Variants in MLC1 observed in about 807,000 individuals in gnomAD.
MLC1 encodes the protein membrane protein MLC1.
Under a neutral mutation model 44.7 loss-of-function variants are expected in MLC1, and 32 were observed. The ratio of observed to expected loss-of-function variants is 0.72; its 90% CI spans 0.54 to 0.96. MLC1 has a LOEUF of 0.96. MLC1 is among the 40% of genes least tolerant of loss of function. MLC1 has a pLI of 0.00. For missense variants in MLC1, 459 were observed against 492.2 expected (o/e 0.93, Z 0.64); for synonymous variants, 190 against 213.0 (o/e 0.89, Z 0.94).
intron 11 of MLC1, 45 bp from the exon 12 acceptor site, chr22:50,061,702 T>C: frequency 6.4e-7 from 1 of 1,565,158 alleles, no homozygotes; most frequent in Non-Finnish European, 8.8e-7. Flanking sequence ...GGGCCACCTG[T>C]GCGGCGGGAA....
intron 5 of MLC1, among the ~76,000 whole-genome samples, chr22:50,077,896 G>T (rs1227484765): frequency 2.0e-5 from 3 of 152,136 alleles, no homozygotes. Context: ...TGAAACGACT[G>T]CAGGCCCTGA....
At chr22:50,074,475 G>A in intron 7 of MLC1, 143 bp from the exon 8 acceptor site, 1 of 748,078 alleles carries the variant, frequency 1.3e-6, no homozygotes, top group Non-Finnish European at 2.3e-6. Context: ...CCACCTGGAT[G>A]GACCCCCAGC....
At chr22:50,074,966 G>A (rs2061943780) in intron 7 of MLC1, among the ~76,000 whole-genome samples, 2 of 152,258 alleles carry the variant, frequency 1.3e-5, no homozygotes, top group South Asian at 4.1e-4. Context: ...GCCGGTTGGA[G>A]AGCCCTGCTA....
intron 11 of MLC1, among the ~76,000 whole-genome samples, chr22:50,062,151 C>T (rs2061575513): frequency 6.7e-6 from 1 of 149,282 alleles, no homozygotes; most frequent in Non-Finnish European, 1.5e-5. Context: ...CCACCCTGAG[C>T]CCCTGGGCCC....
intron 1 of MLC1, 73 bp downstream of exon 1, chr22:50,085,282 T>G (rs976309689): frequency 1.1e-5 from 11 of 991,902 alleles, no homozygotes; most frequent in Non-Finnish European, 1.3e-5. Context: ...CACGTTAAAC[T>G]GCTCCAATTG....
intron 3 of MLC1, among the ~76,000 whole-genome samples, chr22:50,081,758 G>A (rs1033455450): frequency 2.6e-5 from 4 of 152,240 alleles, no homozygotes; most frequent in Non-Finnish European, 5.9e-5. Flanking sequence ...CAGGTGCCAC[G>A]AGGGCCCAGG....
intron 5 of MLC1, among the ~76,000 whole-genome samples, chr22:50,078,308 C>T (rs923805035): frequency 7.9e-5 from 12 of 151,868 alleles, no homozygotes; most frequent in African/African-American, 2.7e-4. Context: ...TTTTAAAATA[C>T]ATTTAAAAAA....
Position 50,068,725 on chromosome 22 carries a change from C to CTTT in MLC1, c.772-173_772-171dup, listed in dbSNP as rs765426637. Among the ~76,000 whole-genome samples, 168 of 105,226 alleles carry CTTT rather than the reference C, an allele frequency of 1.6e-3. 1 individual carries two copies. Among genetic ancestry groups the CTTT allele is most frequent in the African/African-American group, 2.6e-3 (71 of 27,438 alleles). The allele number at this position is 105,226 out of a possible 152,430, so 69.0% of individuals were successfully genotyped here. A position where few individuals can be genotyped will look rare whatever the true frequency, so the allele number is the denominator to read the frequency against. The stretch of plus-strand genomic sequence containing the variant: ...CCTCTGCCTTTTCTTTTTTCTTTTT[C>CTTT]TTTTTTTTTTTTTTTTTTTTTGAGA... On this transcript the variant is annotated intron_variant, in intron 9 of 11. Transcript: ENST00000311597.
intron 7 of MLC1, among the ~76,000 whole-genome samples, chr22:50,075,228 A>G (rs908866237): frequency 6.6e-6 from 1 of 151,830 alleles, no homozygotes; most frequent in African/African-American, 2.4e-5. Flanking sequence ...AGACTCAGGG[A>G]GGGCTGGGGA....
At chr22:50,064,504 C>T (rs1008905840) in intron 10 of MLC1, among the ~76,000 whole-genome samples, 1 of 152,324 alleles carries the variant, frequency 6.6e-6, no homozygotes, top group East Asian at 1.9e-4. Context: ...ACCCCTCCTG[C>T]TCCAACACGC....
chr22:50,064,859 A>G (rs2061670309), intron 10 of MLC1, among the ~76,000 whole-genome samples: 1 of 150,686 alleles, frequency 6.6e-6, no homozygotes, highest in Non-Finnish European at 1.5e-5. Flanking sequence ...AAAAGAGCCA[A>G]ACATCTATCC....
At chr22:50,080,966 T>C (rs1270135234) in intron 3 of MLC1, among the ~76,000 whole-genome samples, 1 of 132,324 alleles carries the variant, frequency 7.6e-6, no homozygotes, top group African/African-American at 2.8e-5. Context: ...GAGGCTGCAG[T>C]GAGCTGTGAA....
chr22:50,061,861 C>T (rs2061565856), intron 11 of MLC1, among the ~76,000 whole-genome samples: 1 of 151,416 alleles, frequency 6.6e-6, no homozygotes, highest in Non-Finnish European at 1.5e-5. Context: ...ACGCCTGCAT[C>T]CCCCCCCGCA....
At chr22:50,073,937 C>T (rs2061919053) in intron 8 of MLC1, among the ~76,000 whole-genome samples, 1 of 151,812 alleles carries the variant, frequency 6.6e-6, no homozygotes, top group Non-Finnish European at 1.5e-5. Context: ...CATCTACAGC[C>T]TGACATTCAT....
At chr22:50,077,347 C>G (rs2062009268) in intron 6 of MLC1, 54 bp downstream of exon 6, 1 of 1,529,038 alleles carries the variant, frequency 6.5e-7, no homozygotes, top group African/African-American at 1.4e-5. Flanking sequence ...CCTCGCTCAC[C>G]CTGGGGTGAT....
chr22:50,072,430 C>T (rs372506176), intron 8 of MLC1, among the ~76,000 whole-genome samples: 2 of 152,334 alleles, frequency 1.3e-5, no homozygotes, highest in South Asian at 2.1e-4. Context: ...TGCCTCAGCG[C>T]TCTCCTCTCC....
chr22:50,067,881 G>A (rs966444997), intron 10 of MLC1, among the ~76,000 whole-genome samples: 6 of 149,976 alleles, frequency 4.0e-5, no homozygotes, highest in Admixed American at 2.7e-4. Flanking sequence ...ATCAGCACAC[G>A]CATGTTGACC....
At chr22:50,068,595 C>A in intron 9 of MLC1, 40 bp from the exon 10 acceptor site, 1 of 1,398,190 alleles carries the variant, frequency 7.2e-7, no homozygotes, top group South Asian at 1.1e-5. Flanking sequence ...CGGCCGGAGC[C>A]TGGGAGCCCA....
Position 50,060,883 on chromosome 22 carries a change from T to C in MLC1, c.*700A>G, listed in dbSNP as rs929632089. ...AGTGTGGCGGTGGATCCCTCTAGAA[T>C]GACTGGGTCTAAGTAGGGAGACAGG... On this transcript the variant is annotated 3_prime_UTR_variant, in exon 12 of 12. Transcript: ENST00000311597. The C allele has an allele frequency of 6.5e-6, 1 of 154,356 alleles. No individual in the cohort carries two copies. Among genetic ancestry groups the C allele is most frequent in the Non-Finnish European group, 1.4e-5 (1 of 69,304 alleles). The allele number at this position is 154,356 out of a possible 1,614,324, so 9.6% of individuals were successfully genotyped here.
Sources: allele counts gnomAD v4.1 joint callset (sites outside exome capture counted in the v4.1 genomes callset), GRCh38; gene constraint gnomAD v4.1.1; transcripts MANE v1.5; gene names NCBI Gene and HGNC (gene_info 2026-07-23, HGNC 2026-07-21).